The following CNTNAP2 variants were observed in gnomAD, a reference collection of about 807,000 sequenced individuals.
The protein encoded by CNTNAP2 is contactin-associated protein-like 2.
A neutral mutation model predicts 155.2 loss-of-function variants in CNTNAP2; 98 were observed. That is an observed-to-expected ratio of 0.63 (90% CI 0.54 to 0.75). The LOEUF is 0.75. Ranked by LOEUF, CNTNAP2 falls within the 30% of genes least tolerant of loss-of-function variation. The pLI, the probability that CNTNAP2 is intolerant of heterozygous loss-of-function variation, is 0.00. For missense variants in CNTNAP2, 1,727 were observed against 1,688.1 expected (o/e 1.02, Z -0.40); for synonymous variants, 651 against 631.2 (o/e 1.03, Z -0.47).
At chr7:146,660,833 A>G (rs946979579) in intron 1 of CNTNAP2, among the ~76,000 whole-genome samples, 1 of 152,154 alleles carries the variant, frequency 6.6e-6, no homozygotes, top group Non-Finnish European at 1.5e-5. Flanking sequence ...TTCACTCATC[A>G]TTTCTTTTAT....
At chr7:146,518,817 T>C (rs941707600) in intron 1 of CNTNAP2, among the ~76,000 whole-genome samples, 3 of 151,822 alleles carry the variant, frequency 2.0e-5, no homozygotes, top group Non-Finnish European at 2.9e-5. Flanking sequence ...GTGGGTAATG[T>C]TAAAGACACA....
chr7:148,253,005 G>T (rs867885485), intron 20 of CNTNAP2, among the ~76,000 whole-genome samples: 1 of 137,226 alleles, frequency 7.3e-6, no homozygotes, highest in Non-Finnish European at 1.6e-5. Flanking sequence ...GAGATAGATA[G>T]ATACATAGAT....
chr7:146,570,646 T>A (rs1459748615), intron 1 of CNTNAP2, among the ~76,000 whole-genome samples: 1 of 152,166 alleles, frequency 6.6e-6, no homozygotes, highest in South Asian at 2.1e-4. Flanking sequence ...GGTGAAATCC[T>A]ATATGAAATT....
intron 1 of CNTNAP2, among the ~76,000 whole-genome samples, chr7:146,409,162 C>G (rs1795833291): frequency 6.6e-6 from 1 of 152,152 alleles, no homozygotes; most frequent in Non-Finnish European, 1.5e-5. Flanking sequence ...TCCATGAAGT[C>G]ATTCAAGACG....
At chr7:148,346,664 T>G (rs1012211640) in intron 21 of CNTNAP2, among the ~76,000 whole-genome samples, 4 of 151,486 alleles carry the variant, frequency 2.6e-5, no homozygotes, top group Admixed American at 2.6e-4. Flanking sequence ...CCCAGCTACC[T>G]GGGAGGCTGA....
rs1385248016 is a variant in CNTNAP2 at position 147,570,203 on chromosome 7, C to G, written c.1897+7946C>G. ...TTTTCCATGTAAAGAAGCCCGGTCCCATTAGTGACACCCCATCATATTTGA... is the reference window on the plus strand; with the variant it reads ...TTTTCCATGTAAAGAAGCCCGGTCCGATTAGTGACACCCCATCATATTTGA... On this transcript the variant is annotated intron_variant, in intron 12 of 23. Coordinates refer to ENST00000361727, the MANE Select transcript of CNTNAP2 (RefSeq NM_014141.6). Among the ~76,000 whole-genome samples, 7 of 152,286 alleles carry G rather than the reference C, an allele frequency of 4.6e-5. No homozygotes were observed. The East Asian group carries it at 1.2e-3, about 25-fold the overall frequency.
intron 7 of CNTNAP2, among the ~76,000 whole-genome samples, chr7:147,129,124 C>G (rs1167655390): frequency 6.6e-6 from 1 of 152,144 alleles, no homozygotes; most frequent in Non-Finnish European, 1.5e-5. Context: ...TTCATCCCAG[C>G]AGTTAGCAGC....
chr7:146,901,950 A>G (rs1224624456), intron 3 of CNTNAP2, among the ~76,000 whole-genome samples: 1 of 135,172 alleles, frequency 7.4e-6, no homozygotes, highest in African/African-American at 2.8e-5. Flanking sequence ...ATCTCGGCTC[A>G]CTGCAAGCTC....
chr7:148,189,312 G>A (rs1489532271), intron 18 of CNTNAP2, among the ~76,000 whole-genome samples: 1 of 152,180 alleles, frequency 6.6e-6, no homozygotes, highest in Non-Finnish European at 1.5e-5. Flanking sequence ...AAAGAGGACA[G>A]GAGAGGACAG....
chr7:148,365,481 A>G (rs1056423476), intron 21 of CNTNAP2, among the ~76,000 whole-genome samples: 8 of 152,248 alleles, frequency 5.3e-5, no homozygotes, highest in East Asian at 1.9e-4. Flanking sequence ...CTTGGCCAAC[A>G]TGATGAAACC....
chr7:147,213,843 G>T (rs1803207382), intron 8 of CNTNAP2, among the ~76,000 whole-genome samples: 1 of 152,056 alleles, frequency 6.6e-6, no homozygotes, highest in Non-Finnish European at 1.5e-5. Flanking sequence ...GGGGCCACTG[G>T]TGTAAATCCT....
intron 10 of CNTNAP2, among the ~76,000 whole-genome samples, chr7:147,451,363 C>T (rs1458661102): frequency 1.3e-5 from 2 of 152,112 alleles, no homozygotes; most frequent in South Asian, 4.2e-4. Flanking sequence ...AATAATATCT[C>T]GTTGGCATAG....
intron 15 of CNTNAP2, among the ~76,000 whole-genome samples, chr7:148,072,774 C>G (rs1158938483): frequency 6.6e-6 from 1 of 152,224 alleles, no homozygotes; most frequent in South Asian, 2.1e-4. Context: ...GTAGTGCGAT[C>G]TTGGCTCGCT....
intron 1 of CNTNAP2, among the ~76,000 whole-genome samples, chr7:146,454,639 C>T (rs901962893): frequency 6.6e-6 from 1 of 151,734 alleles, no homozygotes; most frequent in East Asian, 1.9e-4. Flanking sequence ...AATAGGTATA[C>T]ATGAATACTG....
In CNTNAP2 at chr7:148,206,046, A is replaced by G. The variant is rs1256165678; in HGVS notation, c.3011-11242A>G. Among the ~76,000 whole-genome samples, 13 of 151,904 alleles carry G rather than the reference A, an allele frequency of 8.6e-5. No homozygotes were observed. In the South Asian group the frequency reaches 2.3e-3, roughly 27 times the overall value. ...TATACACACACATGTATAAATATTCATATATACCCTCAAAGTAGTTTCCCA... is the reference window on the plus strand; with the variant it reads ...TATACACACACATGTATAAATATTCGTATATACCCTCAAAGTAGTTTCCCA... On this transcript the variant is annotated intron_variant, in intron 18 of 23. Coordinates refer to ENST00000361727, the MANE Select transcript of CNTNAP2 (RefSeq NM_014141.6).
chr7:146,762,636 G>T (rs1366425465), intron 1 of CNTNAP2, among the ~76,000 whole-genome samples: 1 of 152,042 alleles, frequency 6.6e-6, no homozygotes, highest in East Asian at 1.9e-4. Context: ...AATCCCTGTA[G>T]TAGTCTGTTC....
chr7:147,516,517 A>G (rs1171395527), intron 11 of CNTNAP2, among the ~76,000 whole-genome samples: 1 of 152,194 alleles, frequency 6.6e-6, no homozygotes, highest in Non-Finnish European at 1.5e-5. Context: ...CTTGGGATAA[A>G]GCAATACTGC....
At chr7:147,850,432 C>G (rs201491551) in intron 13 of CNTNAP2, among the ~76,000 whole-genome samples, 4 of 152,044 alleles carry the variant, frequency 2.6e-5, no homozygotes, top group African/African-American at 4.8e-5. Flanking sequence ...AGTTCATATG[C>G]AACCAAAAAA....
chr7:146,662,775 G>C (rs1800114959), intron 1 of CNTNAP2, among the ~76,000 whole-genome samples: 1 of 152,092 alleles, frequency 6.6e-6, no homozygotes, highest in Non-Finnish European at 1.5e-5. Context: ...TAAGTTGGTT[G>C]AGTCTTTTTC....
Sources: gnomAD v4.1 joint callset for allele counts (sites outside exome capture counted in the v4.1 genomes callset) on GRCh38, gnomAD v4.1.1 for gene constraint, MANE v1.5 for transcripts, NCBI Gene and HGNC (gene_info 2026-07-23, HGNC 2026-07-21) for gene names.